The following NRG3 variants were observed in gnomAD, a reference collection of about 807,000 sequenced individuals.
NRG3 encodes the protein neuregulin 3.
In NRG3, 31 loss-of-function variants were observed where a neutral mutation model predicts 66.9. The observed-to-expected ratio is 0.46, with a 90% confidence interval of 0.35 to 0.63. The LOEUF (loss-of-function observed/expected upper bound fraction) is 0.63. Ranked by LOEUF, NRG3 falls within the 20% of genes least tolerant of loss-of-function variation. The probability of loss-of-function intolerance (pLI) is 0.00; values close to 1 mark genes in which losing one functional copy is unlikely to be tolerated. For missense variants in NRG3, 910 were observed against 878.9 expected, an observed-to-expected ratio of 1.04 and a Z score of -0.45; for synonymous variants, 393 against 359.4, an observed-to-expected ratio of 1.09 and a Z score of -1.06.
At chr10:82,013,080 T>C (rs1303902472) in intron 1 of NRG3, among the ~76,000 whole-genome samples, 5 of 152,182 alleles carry the variant, frequency 3.3e-5, no homozygotes, top group Admixed American at 2.6e-4. Context: ...ATGCTACTAA[T>C]AAAGACTTAA....
intron 1 of NRG3, among the ~76,000 whole-genome samples, chr10:82,324,958 C>G (rs2081786287): frequency 6.6e-6 from 1 of 152,194 alleles, no homozygotes; most frequent in Non-Finnish European, 1.5e-5. Flanking sequence ...TATATCTCCA[C>G]TGATTTGCTA....
chr10:82,330,209 A>G, intron 1 of NRG3, among the ~76,000 whole-genome samples: 1 of 152,206 alleles, frequency 6.6e-6, no homozygotes, highest in East Asian at 1.9e-4. Context: ...GGGAAATGAT[A>G]CCTGTAAAAG....
At chr10:82,426,920 G>A (rs568407786) in intron 2 of NRG3, among the ~76,000 whole-genome samples, 1 of 152,042 alleles carries the variant, frequency 6.6e-6, no homozygotes, top group African/African-American at 2.4e-5. Context: ...CACAGTGCTG[G>A]GATTACAGGC....
chr10:82,117,370 T>C (rs766198813), intron 1 of NRG3, among the ~76,000 whole-genome samples: 2 of 152,136 alleles, frequency 1.3e-5, no homozygotes, highest in Admixed American at 6.6e-5. Flanking sequence ...GATAAATTAA[T>C]TGTGGGACAA....
At chr10:82,380,471 T>A (rs2085540458) in intron 2 of NRG3, among the ~76,000 whole-genome samples, 1 of 151,798 alleles carries the variant, frequency 6.6e-6, no homozygotes, top group Non-Finnish European at 1.5e-5. Context: ...GAAGAAGGAG[T>A]GATTAGCAAT....
At chr10:82,838,562 G>A (rs1471766093) in intron 3 of NRG3, among the ~76,000 whole-genome samples, 1 of 152,096 alleles carries the variant, frequency 6.6e-6, no homozygotes, top group African/African-American at 2.4e-5. Context: ...AAATTGAGTT[G>A]TGGTGTAAAA....
intron 2 of NRG3, among the ~76,000 whole-genome samples, chr10:82,554,607 T>G (rs2044530058): frequency 6.6e-6 from 1 of 152,146 alleles, no homozygotes; most frequent in African/African-American, 2.4e-5. Flanking sequence ...ATCCCTTTAT[T>G]TCAAAGGCTG....
chr10:82,912,943 C>T (rs1391122389), intron 4 of NRG3, among the ~76,000 whole-genome samples: 2 of 152,082 alleles, frequency 1.3e-5, no homozygotes, highest in African/African-American at 2.4e-5. Context: ...AAAGTACTTC[C>T]GGCCGGGTGC....
At chr10:82,611,347 C>T (rs1350597325) in intron 2 of NRG3, among the ~76,000 whole-genome samples, 1 of 151,132 alleles carries the variant, frequency 6.6e-6, no homozygotes, top group Non-Finnish European at 1.5e-5. Flanking sequence ...ATACATGTGC[C>T]CTGTTGGTTT....
chr10:82,702,466 T>C (rs1166350565), intron 2 of NRG3, among the ~76,000 whole-genome samples: 1 of 152,156 alleles, frequency 6.6e-6, no homozygotes, highest in African/African-American at 2.4e-5. Context: ...AAAATGCATA[T>C]GAAGTAATTT....
chr10:82,213,124 G>GGTA (rs1378308152), intron 1 of NRG3, among the ~76,000 whole-genome samples: 1 of 152,146 alleles, frequency 6.6e-6, no homozygotes, highest in Admixed American at 6.5e-5. Flanking sequence ...CAGGTAGAGT[G>GGTA]GTAATGAGAG....
At chr10:82,950,853 G>C (rs893839814) in intron 4 of NRG3, among the ~76,000 whole-genome samples, 1 of 152,158 alleles carries the variant, frequency 6.6e-6, no homozygotes, top group Non-Finnish European at 1.5e-5. Flanking sequence ...TGTCATTTTC[G>C]TGATAAGCTA....
intron 1 of NRG3, among the ~76,000 whole-genome samples, chr10:82,234,159 C>G (rs527565748): frequency 6.6e-6 from 1 of 152,158 alleles, no homozygotes; most frequent in East Asian, 1.9e-4. Context: ...CTAGCATAAC[C>G]TGTTCACTTC....
chr10:82,361,648 T>C (rs374475879), intron 2 of NRG3, among the ~76,000 whole-genome samples: 2 of 152,206 alleles, frequency 1.3e-5, no homozygotes, highest in South Asian at 2.1e-4. Flanking sequence ...AAATTAAATG[T>C]CACAGTGCTT....
chr10:82,171,297 G>T (rs2072585964), intron 1 of NRG3, among the ~76,000 whole-genome samples: 1 of 151,998 alleles, frequency 6.6e-6, no homozygotes, highest in Admixed American at 6.6e-5. Flanking sequence ...TTACTAGCAA[G>T]GTTTTTCCTC....
chr10:82,782,844 C>T (rs571729147), intron 3 of NRG3, among the ~76,000 whole-genome samples: 8 of 152,196 alleles, frequency 5.3e-5, no homozygotes, highest in South Asian at 2.1e-4. Context: ...GGGAATCCTC[C>T]GTAACTCATT....
chr10:82,198,270 G>A (rs887650205), intron 1 of NRG3, among the ~76,000 whole-genome samples: 2 of 151,050 alleles, frequency 1.3e-5, no homozygotes, highest in Non-Finnish European at 3.0e-5. Flanking sequence ...ACTTCCTTGG[G>A]TGGCAGATCA....
intron 1 of NRG3, among the ~76,000 whole-genome samples, chr10:82,192,173 C>G (rs779827567): frequency 8.5e-5 from 13 of 152,098 alleles, no homozygotes; most frequent in African/African-American, 2.9e-4. Context: ...CTCAGTGCAA[C>G]CCGTTTACCT....
At chr10:82,092,092 T>C (rs2066059523) in intron 1 of NRG3, among the ~76,000 whole-genome samples, 1 of 152,194 alleles carries the variant, frequency 6.6e-6, no homozygotes, top group African/African-American at 2.4e-5. Context: ...CTGTTACTAA[T>C]GCTATAAGTG....
Sources: gnomAD v4.1 joint callset for allele counts (sites outside exome capture counted in the v4.1 genomes callset) on GRCh38, gnomAD v4.1.1 for gene constraint, MANE v1.5 for transcripts, NCBI Gene and HGNC (gene_info 2026-07-23, HGNC 2026-07-21) for gene names.